The following FGR variants were observed in gnomAD, a reference collection of about 807,000 sequenced individuals.
FGR encodes the protein tyrosine-protein kinase Fgr.
FGR carries 26 observed loss-of-function variants against 63.2 expected under a neutral mutation model. The observed-to-expected ratio is 0.41, with a 90% CI of 0.30 to 0.57. FGR has a LOEUF of 0.57. Ranked by LOEUF, FGR falls within the 20% of genes least tolerant of loss-of-function variation. FGR has a pLI of 0.27. For synonymous variants in FGR, 286 were observed against 277.7 expected (o/e 1.03, Z -0.30); for missense variants, 511 against 690.8 (o/e 0.74, Z 2.92).
intron 1 of FGR, chr1:27,626,380 G>T: frequency 2.5e-6 from 1 of 395,822 alleles, no homozygotes; most frequent in Non-Finnish European, 4.4e-6. Flanking sequence ...TCTCTCTCTC[G>T]ATCCCCAGTC....
chr1:27,615,480 C>G lies in FGR; in HGVS notation c.972G>C (p.Val324=), dbSNP rs1438171215. The stretch of plus-strand genomic sequence containing the variant: ...CGATGTAGATGGGCTCCTCCGACAC[C>G]ACGGCGTACAGCTGCACCAGCTTGT... The part of the protein sequence containing the change: ...RHDKLVQLYA[V]VSEEPIYIVT... The change falls in exon 9 of 13, where the codon GTG becomes GTC. Residue 324 remains valine (V), a synonymous_variant. Coordinates refer to ENST00000374005, the MANE Select transcript of FGR (RefSeq NM_005248.3). This position sits in a 1 kb window ranked among gnomAD's most constrained non-coding sequence, Gnocchi z 7.6. 2 of 1,611,890 alleles carry G rather than the reference C, an allele frequency of 1.2e-6. No homozygotes were observed. Among genetic ancestry groups the G allele is most frequent in the Non-Finnish European group, 1.7e-6 (2 of 1,178,206 alleles).
chr1:27,613,471 G>A lies in FGR; in HGVS notation c.1250-121C>T, dbSNP rs1270169370. 9 of 1,090,316 alleles carry A rather than the reference G, an allele frequency of 8.3e-6. No homozygotes were observed. The East Asian group carries it at 1.6e-4, about 19-fold the overall frequency. The allele number at this position is 1,090,316 out of a possible 1,614,324, so 67.5% of individuals were successfully genotyped here. ...TAATCCCAGCACTTTGGGAGGCCAA[G>A]GCAGGCGGATCACTTGAGGTCAGGA... On this transcript the variant is annotated intron_variant, in intron 11 of 12. Coordinates refer to ENST00000374005, the MANE Select transcript of FGR (RefSeq NM_005248.3).
rs1163415417 is a variant in FGR, at chr1:27,616,571, C to A, written c.682+286G>T. The stretch of plus-strand genomic sequence containing the variant: ...GGGCAGTCCTGGTGCCTTGGTGGGG[C>A]ATTCAGGCGGCACAAACACTCCATC... On this transcript the variant is annotated intron_variant, in intron 7 of 12. Coordinates refer to ENST00000374005, the MANE Select transcript of FGR (RefSeq NM_005248.3). The surrounding 1 kb of genome is among the most constrained non-coding windows in gnomAD (Gnocchi z 4.3). 6.6e-6 allele frequency among the ~76,000 whole-genome samples: 1 copy of A among 152,232 alleles called. No homozygotes were observed.
intron 1 of FGR, among the ~76,000 whole-genome samples, chr1:27,628,108 G>A (rs1276714260): frequency 6.6e-6 from 1 of 150,782 alleles, no homozygotes; most frequent in African/African-American, 2.4e-5. Flanking sequence ...ACAAAAATTG[G>A]CCAGGCACGG....
In FGR at chr1:27,612,312, TGTC is replaced by T. The variant is rs1228169726; in HGVS notation, c.*599_*601del. On this transcript the variant is annotated 3_prime_UTR_variant, in exon 13 of 13. Transcript: ENST00000374005. The stretch of plus-strand genomic sequence containing the variant: ...TATTTCATGGTTTGAGGATTCATAT[TGTC>T]ATTTTACTTATTTACAGAATCAATA... 1.3e-5 allele frequency: 2 copies of T among 152,604 alleles called. No homozygotes were observed. Among genetic ancestry groups the T allele is most frequent in the African/African-American group, 4.8e-5 (2 of 41,454 alleles). The allele number at this position is 152,604 out of a possible 1,614,324, so 9.5% of individuals were successfully genotyped here.
rs770971531 is a variant in FGR at position 27,615,419 on chromosome 1, G to T, written c.1018+15C>A. 1.5e-5 allele frequency: 24 copies of T among 1,591,482 alleles called. No homozygotes were observed. Among genetic ancestry groups the T allele is most frequent in the Non-Finnish European group, 2.1e-5 (24 of 1,161,942 alleles). On this transcript the variant is annotated intron_variant, in intron 9 of 12. Coordinates refer to ENST00000374005, the MANE Select transcript of FGR (RefSeq NM_005248.3). This position sits in a 1 kb window ranked among gnomAD's most constrained non-coding sequence, Gnocchi z 7.6. ...TTCACCCCGAATCCCGCCCGACCAGGCTCCGCCTCCTGACCGTGACACATG... is the reference window on the plus strand; with the variant it reads ...TTCACCCCGAATCCCGCCCGACCAGTCTCCGCCTCCTGACCGTGACACATG...
chr1:27,615,042 C>A lies in FGR; in HGVS notation c.1019-116G>T. 2.5e-6 allele frequency: 2 copies of A among 795,478 alleles called. No individual in the cohort carries two copies. The highest frequency in any genetic ancestry group is 4.2e-6 in the Non-Finnish European group (2 of 472,738). 49.3% of individuals were successfully genotyped at this position (795,478 alleles called of 1,614,324 possible). On this transcript the variant is annotated intron_variant, in intron 9 of 12. Coordinates refer to ENST00000374005, the MANE Select transcript of FGR (RefSeq NM_005248.3). This position sits in a 1 kb window ranked among gnomAD's most constrained non-coding sequence, Gnocchi z 7.6. ...ACCTGGACCCGCCCCTCACTTAGGA[C>A]CCCGCGGGTGCCTCAACCCCTCACT...
chr1:27,619,247 G>A lies in FGR; in HGVS notation c.429-1951C>T, dbSNP rs573655995. 7.9e-5 allele frequency among the ~76,000 whole-genome samples: 12 copies of A among 152,242 alleles called. No individual in the cohort carries two copies. The South Asian group carries it at 8.3e-4, about 11-fold the overall frequency. On this transcript the variant is annotated intron_variant, in intron 5 of 12. Coordinates refer to ENST00000374005, the MANE Select transcript of FGR (RefSeq NM_005248.3). Reference sequence around the variant, plus strand: ...GCTCTGTCACCCAGGCTGGAGTGCAGTGGCTCGATCTCAGCTCACTGCAAC... The same window carrying A: ...GCTCTGTCACCCAGGCTGGAGTGCAATGGCTCGATCTCAGCTCACTGCAAC...
chr1:27,612,936 T>C lies in FGR; in HGVS notation c.1568A>G (p.Tyr523Cys), dbSNP rs1214498552. The C allele has an allele frequency of 6.2e-7, 1 of 1,614,030 alleles. No homozygotes were observed. Among genetic ancestry groups the C allele is most frequent in the Non-Finnish European group, 8.5e-7 (1 of 1,179,994 alleles). ...AGGCTATGTCTGATCCCCGGGCTGG[T>C]ACTGTGGTTCAGCGGAGGTGAAGTA... ...EDYFTSAEPQ[Y>C]QPGDQT is the part of the protein sequence containing the mutation. Residue 523 changes from tyrosine (Y) to cysteine (C), a missense_variant, in exon 13 of 13, where the codon TAC becomes TGC. Tyr to Cys is a radical substitution (Grantham distance 194). Transcript: ENST00000374005.
rs375451812 is a variant in FGR at position 27,613,055 on chromosome 1, G to A, written c.1449C>T (p.Cys483=). ...QGYHMPCPPG[C]PASLYEAMEQ... The stretch of plus-strand genomic sequence containing the variant: ...CCATGGCCTCGTACAGGGATGCTGG[G>A]CAGCCTGGAGGGCACGGCATGTGGT... The change falls in exon 13 of 13, where the codon TGC becomes TGT. Residue 483 remains cysteine (C), a synonymous_variant. Coordinates refer to ENST00000374005, the MANE Select transcript of FGR (RefSeq NM_005248.3). 1,913 of 1,614,192 alleles carry A rather than the reference G, an allele frequency of 1.2e-3. 40 individuals carry two copies. In the South Asian group the frequency reaches 0.02, roughly 17 times the overall value.
chr1:27,623,440 C>A, intron 3 of FGR: 1 of 601,106 alleles, frequency 1.7e-6, no homozygotes, highest in South Asian at 2.0e-5. Flanking sequence ...AGAAGTTTCT[C>A]TTTGTCACTT....
intron 4 of FGR, among the ~76,000 whole-genome samples, chr1:27,622,288 CAAA>C (rs1210861502): frequency 2.4e-5 from 1 of 42,212 alleles, no homozygotes; most frequent in Non-Finnish European, 4.9e-5. Context: ...GACTCCAACT[CAAA>C]AAAAAAAAAA....
At chr1:27,626,699 AC>A (rs1269239195) in intron 1 of FGR, 1 of 152,372 alleles carries the variant, frequency 6.6e-6, no homozygotes, top group Non-Finnish European at 1.5e-5. Flanking sequence ...CCTGCCTGAG[AC>A]CTTTGCCCCG....
chr1:27,617,061 T>C lies in FGR; in HGVS notation c.533-55A>G, dbSNP rs2089827239. 1.2e-6 allele frequency: 2 copies of C among 1,610,038 alleles called. No homozygotes were observed. Among genetic ancestry groups the C allele is most frequent in the South Asian group, 1.1e-5 (1 of 90,988 alleles). On this transcript the variant is annotated intron_variant, in intron 6 of 12. Transcript: ENST00000374005. This position sits in a 1 kb window ranked among gnomAD's most constrained non-coding sequence, Gnocchi z 4.5. Reference sequence around the variant, plus strand: ...TTCTCCTCTGCCCTAGTCTGGGAGCTGGGAGAGGCCCGACAGCAGCATCCC... The same window carrying C: ...TTCTCCTCTGCCCTAGTCTGGGAGCCGGGAGAGGCCCGACAGCAGCATCCC...
chr1:27,614,678 T>C, intron 10 of FGR, 95 bp from the exon 11 acceptor site: 1 of 1,468,340 alleles, frequency 6.8e-7, no homozygotes, highest in South Asian at 1.3e-5. Flanking sequence ...AAACCCACTT[T>C]CCAGAGGGGG....
rs914633148 is a variant in FGR at position 27,635,075 on chromosome 1, A to G, written c.-87T>C. 2.0e-5 allele frequency: 3 copies of G among 152,204 alleles called. No homozygotes were observed. The highest frequency in any genetic ancestry group is 3.9e-4 in the East Asian group (2 of 5,174). 9.4% of individuals were successfully genotyped at this position (152,204 alleles called of 1,614,324 possible). On this transcript the variant is annotated 5_prime_UTR_variant, in exon 1 of 13. Transcript: ENST00000374005. ...GACGCTGTCGCTTACCTGGAGCCCA[A>G]TTCTGCCCGGCCCCGGGGTGAGCCA...
Position 27,615,435 on chromosome 1 carries a change from G to A in FGR, c.1017C>T (p.His339=), listed in dbSNP as rs1018780685. ...PIYIVTEFMC[H]GSLLDFLKNP... ...CCCGACCAGGCTCCGCCTCCTGACC[G>A]TGACACATGAACTCGGTCACGATGT... The change falls in exon 9 of 13, where the codon CAC becomes CAT. Residue 339 remains histidine (H), a splice_region_variant and synonymous_variant. Coordinates refer to ENST00000374005, the MANE Select transcript of FGR (RefSeq NM_005248.3). The surrounding 1 kb of genome is among the most constrained non-coding windows in gnomAD (Gnocchi z 7.6). 2 of 1,595,764 alleles carry A rather than the reference G, an allele frequency of 1.3e-6. No homozygotes were observed. The highest frequency in any genetic ancestry group is 1.3e-5 in the African/African-American group (1 of 74,726).
At chr1:27,633,820 GTCAGGGATAGCCCTTAACCCT>G (rs2090139683) in intron 1 of FGR, among the ~76,000 whole-genome samples, 3 of 152,356 alleles carry the variant, frequency 2.0e-5, no homozygotes, top group African/African-American at 7.2e-5. Flanking sequence ...GGCTCGCTGA[GTCAGGGATAGCCCTTAACCCT>G]TCAGGACACT....
In FGR at chr1:27,615,549, C is replaced by T. The variant is rs1217439819; in HGVS notation, c.903G>A (p.Lys301=). The change falls in exon 9 of 13, where the codon AAG becomes AAA. Residue 301 remains lysine (K), a synonymous_variant. Transcript: ENST00000374005. The surrounding 1 kb of genome is among the most constrained non-coding windows in gnomAD (Gnocchi z 7.6). The part of the protein sequence containing the change: ...KTLKPGTMSP[K]AFLEEAQVMK... ...TGACCTGCGCCTCCTCCAGGAAGGC[C>T]TTCGGGGACATGGTGCCCGGCTTCA... 6.2e-7 allele frequency: 1 copy of T among 1,613,838 alleles called. No homozygotes were observed. Among genetic ancestry groups the T allele is most frequent in the African/African-American group, 1.3e-5 (1 of 74,920 alleles).
Sources: gnomAD v4.1 joint callset for allele counts (sites outside exome capture counted in the v4.1 genomes callset) on GRCh38, gnomAD v4.1.1 for gene constraint, Gnocchi (gnomAD v3.1) non-coding constraint, MANE v1.5 for transcripts, NCBI Gene and HGNC (gene_info 2026-07-23, HGNC 2026-07-21) for gene names.